The following CADM2 variants were observed in gnomAD, a reference collection of about 807,000 sequenced individuals.
The protein encoded by CADM2 is immunoglobulin superfamily member 4D.
Under a neutral mutation model 49.8 loss-of-function variants are expected in CADM2, and 12 were observed. That is an observed-to-expected ratio of 0.24 (90% CI 0.15 to 0.39). The LOEUF is 0.39. CADM2 is among the 10% of genes least tolerant of loss of function. The pLI is 1.00. For synonymous variants in CADM2, 214 were observed against 175.4 expected (o/e 1.22, Z -1.74); for missense variants, 378 against 492.3 (o/e 0.77, Z 2.20).
chr3:85,270,858 T>C (rs1576251683), intron 1 of CADM2, among the ~76,000 whole-genome samples: 1 of 151,568 alleles, frequency 6.6e-6, no homozygotes, highest in East Asian at 1.9e-4. Flanking sequence ...CTGCCCCAAA[T>C]ATAAATTTTA....
intron 3 of CADM2, among the ~76,000 whole-genome samples, chr3:85,843,907 G>C (rs888157188): frequency 5.3e-5 from 8 of 151,500 alleles, no homozygotes; most frequent in African/African-American, 1.7e-4. Flanking sequence ...TGGGGGGGGA[G>C]CGGTTACTAA....
At chr3:85,138,061 C>A (rs1434729444) in intron 1 of CADM2, among the ~76,000 whole-genome samples, 1 of 151,904 alleles carries the variant, frequency 6.6e-6, no homozygotes, top group Admixed American at 6.6e-5. Flanking sequence ...AAACAAGATA[C>A]AATTATTTTT....
At chr3:85,804,085 C>T (rs1035426014) in intron 3 of CADM2, among the ~76,000 whole-genome samples, 1 of 151,948 alleles carries the variant, frequency 6.6e-6, no homozygotes, top group Non-Finnish European at 1.5e-5. Flanking sequence ...AGAGATTAAA[C>T]AATCTCTTTT....
intron 1 of CADM2, among the ~76,000 whole-genome samples, chr3:85,199,848 G>T (rs1192370520): frequency 2.6e-5 from 4 of 152,000 alleles, no homozygotes; most frequent in Non-Finnish European, 1.5e-5. Context: ...GGAGAAAGAT[G>T]TAACTGACTC....
intron 1 of CADM2, among the ~76,000 whole-genome samples, chr3:85,243,434 A>G (rs1353436730): frequency 6.6e-6 from 1 of 152,034 alleles, no homozygotes; most frequent in African/African-American, 2.4e-5. Context: ...TGCCCAACTG[A>G]TTATAGGGTC....
chr3:85,326,189 G>A (rs532867750), intron 1 of CADM2, among the ~76,000 whole-genome samples: 1 of 152,128 alleles, frequency 6.6e-6, no homozygotes, highest in South Asian at 2.1e-4. Flanking sequence ...GAAGTTTTAA[G>A]GCCTAAGTAA....
intron 1 of CADM2, among the ~76,000 whole-genome samples, chr3:85,223,766 C>G (rs1049861438): frequency 6.6e-6 from 1 of 152,042 alleles, no homozygotes; most frequent in Non-Finnish European, 1.5e-5. Flanking sequence ...CCCACTCCCC[C>G]AACAAGCCCT....
At chr3:85,681,754 G>C (rs986601836) in intron 1 of CADM2, among the ~76,000 whole-genome samples, 1 of 152,004 alleles carries the variant, frequency 6.6e-6, no homozygotes, top group Non-Finnish European at 1.5e-5. Flanking sequence ...TAGTAGCACA[G>C]AGAAAAAAAT....
chr3:85,450,975 A>G (rs2037723651), intron 1 of CADM2, among the ~76,000 whole-genome samples: 1 of 152,082 alleles, frequency 6.6e-6, no homozygotes, highest in African/African-American at 2.4e-5. Flanking sequence ...GAGATAAGAT[A>G]TAAACAGCTA....
intron 2 of CADM2, among the ~76,000 whole-genome samples, chr3:85,778,815 T>G (rs892243110): frequency 6.6e-6 from 1 of 152,182 alleles, no homozygotes; most frequent in African/African-American, 2.4e-5. Context: ...CTCCTAACAC[T>G]GCTTTAGTTT....
chr3:85,448,020 T>C (rs1216958020), intron 1 of CADM2, among the ~76,000 whole-genome samples: 1 of 152,004 alleles, frequency 6.6e-6, no homozygotes, highest in Non-Finnish European at 1.5e-5. Context: ...GTGATGATGA[T>C]GGTTTAATTG....
chr3:85,559,546 T>A (rs1231717021), intron 1 of CADM2, among the ~76,000 whole-genome samples: 1 of 151,868 alleles, frequency 6.6e-6, no homozygotes, highest in Non-Finnish European at 1.5e-5. Context: ...TGGTGAAAAA[T>A]TATATAGTAA....
rs142093127 is a variant in CADM2, at chr3:85,785,847, T to C, written c.89-16200T>C. On this transcript the variant is annotated intron_variant, in intron 2 of 9. Transcript: ENST00000383699. ...AACTAAATCTAATCAATACTGATAA[T>C]TTATTATGCAATAAACAATCTCAAC... Among the ~76,000 whole-genome samples, 11 of 152,226 alleles carry C rather than the reference T, an allele frequency of 7.2e-5. 1 individual carries two copies. The East Asian group carries it at 7.7e-4, about 11-fold the overall frequency.
At chr3:85,969,904 T>C (rs957395069) in intron 8 of CADM2, among the ~76,000 whole-genome samples, 2 of 150,446 alleles carry the variant, frequency 1.3e-5, no homozygotes, top group African/African-American at 2.4e-5. Flanking sequence ...TACACATACA[T>C]ACCCATATCT....
rs1477266082 is a variant in CADM2 at position 85,317,119 on chromosome 3, G to T, written c.61+357451G>T. On this transcript the variant is annotated intron_variant, in intron 1 of 9. Coordinates refer to ENST00000383699, the MANE Select transcript of CADM2 (RefSeq NM_001167675.2). The stretch of plus-strand genomic sequence containing the variant: ...GTCTACATTTCTGGAATTCTCAGTG[G>T]TGTTTGCTTTTTTTGGGGGGATGGG... 2.6e-5 allele frequency among the ~76,000 whole-genome samples: 4 copies of T among 151,548 alleles called. No individual in the cohort carries two copies. The East Asian group carries it at 7.9e-4, about 30-fold the overall frequency.
intron 2 of CADM2, among the ~76,000 whole-genome samples, chr3:85,788,534 G>T (rs2071137427): frequency 1.3e-5 from 2 of 151,966 alleles, no homozygotes; most frequent in Admixed American, 6.6e-5. Context: ...AAGCAATTTA[G>T]ATAATAATCA....
intron 1 of CADM2, among the ~76,000 whole-genome samples, chr3:85,655,620 A>C (rs951587699): frequency 6.6e-6 from 1 of 152,232 alleles, no homozygotes; most frequent in African/African-American, 2.4e-5. Flanking sequence ...TAGAGTGAGA[A>C]TTCTTGTACA....
chr3:85,652,118 A>T (rs1034344200), intron 1 of CADM2, among the ~76,000 whole-genome samples: 7 of 151,776 alleles, frequency 4.6e-5, no homozygotes, highest in African/African-American at 1.5e-4. Context: ...CACCTGGCCA[A>T]CTAAACTTAT....
At chr3:85,870,087 C>T (rs868389354) in intron 3 of CADM2, among the ~76,000 whole-genome samples, 10 of 152,234 alleles carry the variant, frequency 6.6e-5, no homozygotes, top group Middle Eastern at 3.4e-3. Flanking sequence ...ATAAGATCTC[C>T]TGGGCTCATT....
Sources: allele counts gnomAD v4.1 joint callset (sites outside exome capture counted in the v4.1 genomes callset), GRCh38; gene constraint gnomAD v4.1.1; transcripts MANE v1.5; gene names NCBI Gene and HGNC (gene_info 2026-07-23, HGNC 2026-07-21).